PITPNC1: variants seen among roughly 807,000 people sequenced by gnomAD.
The protein encoded by PITPNC1 is cytoplasmic phosphatidylinositol transfer protein 1.
A neutral mutation model predicts 44.7 loss-of-function variants in PITPNC1; 18 were observed. The observed-to-expected ratio is 0.40, with a 90% confidence interval of 0.28 to 0.60. The LOEUF (loss-of-function observed/expected upper bound fraction) is 0.60. Among genes scored for constraint, PITPNC1 ranks in the 20% least tolerant of loss-of-function variants. The pLI is 0.39. For synonymous variants in PITPNC1, 141 were observed against 149.6 expected (o/e 0.94, Z 0.42); for missense variants, 290 against 418.4 (o/e 0.69, Z 2.68).
At chr17:67,549,850 G>A (rs574448911) in intron 2 of PITPNC1, among the ~76,000 whole-genome samples, 2 of 152,272 alleles carry the variant, frequency 1.3e-5, no homozygotes, top group East Asian at 1.9e-4. Context: ...CCTGGCTTAC[G>A]TGAGGGAGAT....
At chr17:67,452,131 G>A (rs1199775517) in intron 1 of PITPNC1, among the ~76,000 whole-genome samples, 1 of 151,408 alleles carries the variant, frequency 6.6e-6, no homozygotes, top group Non-Finnish European at 1.5e-5. Context: ...TCATCCTCCT[G>A]AGTAGCTGGG....
At chr17:67,492,012 TAA>T (rs148758121) in intron 1 of PITPNC1, among the ~76,000 whole-genome samples, 2 of 147,556 alleles carry the variant, frequency 1.4e-5, no homozygotes, top group Non-Finnish European at 3.0e-5. Context: ...CTTTTTTTTT[TAA>T]AAAAAAAAAG....
At chr17:67,683,496 C>T (rs1340703608) in intron 8 of PITPNC1, among the ~76,000 whole-genome samples, 1 of 152,154 alleles carries the variant, frequency 6.6e-6, no homozygotes, top group Non-Finnish European at 1.5e-5. Flanking sequence ...TGTTCATACA[C>T]ATTTATAGTC....
chr17:67,507,748 A>G (rs2040126392), intron 1 of PITPNC1, among the ~76,000 whole-genome samples: 1 of 149,988 alleles, frequency 6.7e-6, no homozygotes, highest in Non-Finnish European at 1.5e-5. Context: ...GACCAGGGGC[A>G]GGAGAGCATT....
chr17:67,686,935 C>G, intron 8 of PITPNC1: 2 of 627,918 alleles, frequency 3.2e-6, no homozygotes, highest in Non-Finnish European at 5.7e-6. Flanking sequence ...ACTTACTCAT[C>G]ATAAAGTTAG....
At chr17:67,448,881 C>T (rs1171024261) in intron 1 of PITPNC1, among the ~76,000 whole-genome samples, 2 of 152,224 alleles carry the variant, frequency 1.3e-5, no homozygotes, top group Non-Finnish European at 2.9e-5. Context: ...GTTCTCCTGC[C>T]TCAGCCTCCC....
At chr17:67,655,400 C>T (rs2537834) in intron 6 of PITPNC1, among the ~76,000 whole-genome samples, 57,295 of 151,232 alleles carry the variant, frequency 0.38, 14,187 homozygotes, top group African/African-American at 0.7. Flanking sequence ...CTACTAAAAA[C>T]ACAAAAAAAA....
At chr17:67,512,783 T>TA (rs1206610034) in intron 1 of PITPNC1, among the ~76,000 whole-genome samples, 1 of 151,656 alleles carries the variant, frequency 6.6e-6, no homozygotes, top group Non-Finnish European at 1.5e-5. Context: ...TTTTTTTTTT[T>TA]ACCATAAGAA....
At chr17:67,684,559 T>TAACA (rs1407373790) in intron 8 of PITPNC1, among the ~76,000 whole-genome samples, 1 of 152,192 alleles carries the variant, frequency 6.6e-6, no homozygotes, top group East Asian at 1.9e-4. Context: ...TAATCACTGT[T>TAACA]AACATTTTGA....
At chr17:67,630,136 A>C (rs994906206) in intron 5 of PITPNC1, among the ~76,000 whole-genome samples, 1 of 152,176 alleles carries the variant, frequency 6.6e-6, no homozygotes, top group African/African-American at 2.4e-5. Context: ...GACTGTGTTA[A>C]TAGGCACCAA....
intron 4 of PITPNC1, 105 bp from the exon 5 acceptor site, chr17:67,578,081 G>T (rs1453360665): frequency 3.9e-6 from 3 of 773,620 alleles, no homozygotes; most frequent in African/African-American, 1.7e-5. Flanking sequence ...TCTGTTCCGG[G>T]ACGGTGCTTG....
At chr17:67,482,237 A>G (rs1400693369) in intron 1 of PITPNC1, among the ~76,000 whole-genome samples, 1 of 152,236 alleles carries the variant, frequency 6.6e-6, no homozygotes, top group Non-Finnish European at 1.5e-5. Flanking sequence ...TTGATAATGT[A>G]AAAATTATCT....
At chr17:67,635,765 A>C (rs1328483120) in intron 6 of PITPNC1, among the ~76,000 whole-genome samples, 1 of 152,192 alleles carries the variant, frequency 6.6e-6, no homozygotes, top group Non-Finnish European at 1.5e-5. Flanking sequence ...AAGTTTCAAG[A>C]GGAGGAGAGT....
rs565250562 is a variant in PITPNC1 at position 67,676,297 on chromosome 17, C to A, written c.682+755C>A. On this transcript the variant is annotated intron_variant, in intron 8 of 8. Coordinates refer to ENST00000581322, the MANE Select transcript of PITPNC1 (RefSeq NM_012417.4). The surrounding 1 kb of genome is among the most constrained non-coding windows in gnomAD (Gnocchi z 4.0). ...TTAAGGGCAGACAGAGGCATAGGTG[C>A]CCCGTTCATCCTAATTGAAACTATT... is the stretch of plus-strand genomic sequence containing the variant. Among the ~76,000 whole-genome samples the A allele has an allele frequency of 3.3e-5, 5 of 152,158 alleles. No homozygotes were observed. The highest frequency in any genetic ancestry group is 9.6e-5 in the African/African-American group (4 of 41,534).
intron 6 of PITPNC1, among the ~76,000 whole-genome samples, chr17:67,664,088 C>T (rs754539677): frequency 5.9e-5 from 9 of 152,074 alleles, no homozygotes; most frequent in East Asian, 1.9e-4. Context: ...CCAGCCTTCC[C>T]GAGTACCTGG....
At chr17:67,512,162 T>C (rs2040192500) in intron 1 of PITPNC1, among the ~76,000 whole-genome samples, 1 of 152,196 alleles carries the variant, frequency 6.6e-6, no homozygotes, top group African/African-American at 2.4e-5. Context: ...TCCACTAGTA[T>C]GTGACCTTAG....
intron 1 of PITPNC1, among the ~76,000 whole-genome samples, chr17:67,459,397 C>T (rs898836583): frequency 1.9e-4 from 29 of 152,272 alleles, no homozygotes; most frequent in African/African-American, 7.0e-4. Flanking sequence ...GGATTACAGG[C>T]GTGAGCCACC....
rs1220254794 is a variant in PITPNC1, at chr17:67,525,025, T to C, written c.49-7777T>C. The C allele has an allele frequency of 1.1e-4, 15 of 134,576 alleles. 7 individuals carry two copies. Among genetic ancestry groups the C allele is most frequent in the Non-Finnish European group, 2.4e-4 (15 of 63,494 alleles). 8.3% of individuals were successfully genotyped at this position (134,576 alleles called of 1,614,324 possible). ...ACCTCATGATCCACCCGCCTCGGCC[T>C]CCCAAAGTGCTGGGATTACAGGCAT... On this transcript the variant is annotated intron_variant, in intron 1 of 8. Coordinates refer to ENST00000581322, the MANE Select transcript of PITPNC1 (RefSeq NM_012417.4).
chr17:67,519,171 G>GTTTTTTTTT (rs563294178), intron 1 of PITPNC1, among the ~76,000 whole-genome samples: 2 of 78,754 alleles, frequency 2.5e-5, no homozygotes, highest in African/African-American at 5.3e-5. Context: ...GCAGCATTCT[G>GTTTTTTTTT]TTTTTTTTTT....
Sources: gnomAD v4.1 joint callset for allele counts (sites outside exome capture counted in the v4.1 genomes callset) on GRCh38, gnomAD v4.1.1 for gene constraint, Gnocchi (gnomAD v3.1) non-coding constraint, MANE v1.5 for transcripts, NCBI Gene and HGNC (gene_info 2026-07-23, HGNC 2026-07-21) for gene names.